FXN: variants seen among roughly 807,000 people sequenced by gnomAD.
FXN encodes the protein frataxin.
FXN carries 14 observed loss-of-function variants against 22.4 expected under a neutral mutation model. That is an observed-to-expected ratio of 0.62 (90% CI 0.41 to 0.98). The LOEUF (loss-of-function observed/expected upper bound fraction) is 0.98, where lower values mean the gene tolerates loss of function less well. Ranked by LOEUF, FXN falls within the 50% of genes least tolerant of loss-of-function variation. The pLI, the probability that FXN is intolerant of heterozygous loss-of-function variation, is 0.00. For synonymous variants in FXN, 120 were observed against 114.1 expected (o/e 1.05, Z -0.33); for missense variants, 267 against 268.4 (o/e 0.99, Z 0.04).
chr9:69,052,736 G>C (rs956403423), intron 2 of FXN, among the ~76,000 whole-genome samples: 1 of 151,758 alleles, frequency 6.6e-6, no homozygotes, highest in Admixed American at 6.6e-5. Flanking sequence ...TAGAGACGGG[G>C]TTTCACCATG....
intron 1 of FXN, among the ~76,000 whole-genome samples, chr9:69,044,171 G>C (rs980473295): frequency 6.6e-6 from 1 of 152,150 alleles, no homozygotes; most frequent in African/African-American, 2.4e-5. Flanking sequence ...TAATTTGCTC[G>C]TTGAGTGTTT....
At chr9:69,064,853 A>T (rs973863319) in intron 3 of FXN, 85 bp from the exon 4 acceptor site, 5 of 786,188 alleles carry the variant, frequency 6.4e-6, no homozygotes, top group Non-Finnish European at 1.1e-5. Context: ...GAAAGTGTTG[A>T]GATAAAACAT....
Position 69,075,607 on chromosome 9 carries a change from C to A in FXN, c.*2845C>A. ...ACCACAGACCCTGGGAGCATCGCCTCATTTATGGTGTGGTCCAGTCATCCA... is the reference window on the plus strand; with the variant it reads ...ACCACAGACCCTGGGAGCATCGCCTAATTTATGGTGTGGTCCAGTCATCCA... On this transcript the variant is annotated 3_prime_UTR_variant, in exon 5 of 5. Transcript: ENST00000484259. 5 of 985,330 alleles carry A rather than the reference C, an allele frequency of 5.1e-6. No individual in the cohort carries two copies. Among genetic ancestry groups the A allele is most frequent in the Non-Finnish European group, 6.0e-6 (5 of 829,878 alleles). The allele number at this position is 985,330 out of a possible 1,614,324, so 61.0% of individuals were successfully genotyped here.
intron 3 of FXN, among the ~76,000 whole-genome samples, chr9:69,054,331 T>A (rs1040073247): frequency 6.6e-6 from 1 of 150,756 alleles, no homozygotes; most frequent in African/African-American, 2.4e-5. Flanking sequence ...GGATGAAACA[T>A]TAGCCCCAGA....
intron 4 of FXN, among the ~76,000 whole-genome samples, chr9:69,069,102 G>A (rs1832225098): frequency 6.6e-6 from 1 of 152,232 alleles, no homozygotes; most frequent in African/African-American, 2.4e-5. Flanking sequence ...AGTGGCTCAC[G>A]CCTGTAATCC....
At chr9:69,065,801 TGTAGCGTTTGAACAA>T (rs1199962621) in intron 4 of FXN, among the ~76,000 whole-genome samples, 13 of 152,304 alleles carry the variant, frequency 8.5e-5, no homozygotes, top group African/African-American at 3.1e-4. Context: ...CTTTTGACCT[TGTAGCGTTTGAACAA>T]GTTGCACTTT....
rs919150852 is a variant in FXN, at chr9:69,077,102, C to T, written c.*4340C>T. On this transcript the variant is annotated 3_prime_UTR_variant, in exon 5 of 5. Coordinates refer to ENST00000484259, the MANE Select transcript of FXN (RefSeq NM_000144.5). ...CTAATTTTTGTATTTTTAGTAGAGA[C>T]GGGGTTTCACCATCATGGCCAGGCT... 19 of 476,748 alleles carry T rather than the reference C, an allele frequency of 4.0e-5. No homozygotes were observed. Among genetic ancestry groups the T allele is most frequent in the East Asian group, 1.5e-4 (1 of 6,504 alleles). 29.5% of individuals were successfully genotyped at this position (476,748 alleles called of 1,614,324 possible).
In FXN at chr9:69,079,033, A is replaced by G; in HGVS notation, c.*6271A>G. ...AATGTCAAATAAATGTGTTATAATT[A>G]TATGTTTAAGATAGTTGTTCAAATA... On this transcript the variant is annotated 3_prime_UTR_variant, in exon 5 of 5. Coordinates refer to ENST00000484259, the MANE Select transcript of FXN (RefSeq NM_000144.5). 1 of 875,314 alleles carries G rather than the reference A, an allele frequency of 1.1e-6. No individual in the cohort carries two copies. The highest frequency in any genetic ancestry group is 1.4e-6 in the Non-Finnish European group (1 of 729,920). 54.2% of individuals were successfully genotyped at this position (875,314 alleles called of 1,614,324 possible). A position where few individuals can be genotyped will look rare whatever the true frequency, so the allele number is the denominator to read the frequency against.
chr9:69,067,974 A>C (rs1587829699), intron 4 of FXN, among the ~76,000 whole-genome samples: 1 of 152,182 alleles, frequency 6.6e-6, no homozygotes, highest in East Asian at 1.9e-4. Context: ...TCTAGTGTAT[A>C]ATGGGCATTG....
intron 1 of FXN, among the ~76,000 whole-genome samples, chr9:69,036,498 A>G (rs1236269668): frequency 1.3e-5 from 2 of 152,214 alleles, no homozygotes; most frequent in African/African-American, 4.8e-5. Context: ...GCTGCAGAAT[A>G]GCTAGAGCAG....
At chr9:69,061,651 T>C (rs1036273137) in intron 3 of FXN, among the ~76,000 whole-genome samples, 2 of 151,904 alleles carry the variant, frequency 1.3e-5, no homozygotes, top group African/African-American at 4.8e-5. Context: ...GTATAGCTCC[T>C]AAAGCTATCC....
Position 69,074,743 on chromosome 9 carries a change from GA to G in FXN, c.*1990del, listed in dbSNP as rs11432103. The G allele has an allele frequency of 1.2e-4, 103 of 841,750 alleles. No individual in the cohort carries two copies. In the Admixed American group the frequency reaches 2.2e-3, roughly 18 times the overall value. The allele number at this position is 841,750 out of a possible 1,614,324, so 52.1% of individuals were successfully genotyped here. On this transcript the variant is annotated 3_prime_UTR_variant, in exon 5 of 5. Transcript: ENST00000484259. ...AGCAAGATCCTATCTCTTAAAAAAA[GA>G]AAAAAAAACCTATTAATAATAAAAC...
chr9:69,078,567 T>A lies in FXN; in HGVS notation c.*5805T>A. On this transcript the variant is annotated 3_prime_UTR_variant, in exon 5 of 5. Coordinates refer to ENST00000484259, the MANE Select transcript of FXN (RefSeq NM_000144.5). ...AGTTTCTTAGCCTGAAAAATGTGCT[T>A]TTCTGACTGAACTGTTCAGGCACTG... is the stretch of plus-strand genomic sequence containing the variant. The A allele has an allele frequency of 1.0e-6, 1 of 985,640 alleles. No individual in the cohort carries two copies. The highest frequency in any genetic ancestry group is 1.2e-6 in the Non-Finnish European group (1 of 829,952). 61.1% of individuals were successfully genotyped at this position (985,640 alleles called of 1,614,324 possible).
chr9:69,067,298 C>T (rs573479031), intron 4 of FXN, among the ~76,000 whole-genome samples: 1 of 152,264 alleles, frequency 6.6e-6, no homozygotes. Flanking sequence ...CTGCGCCTGT[C>T]TTCTTGGAAG....
chr9:69,049,778 T>C (rs1831819120), intron 2 of FXN, among the ~76,000 whole-genome samples: 1 of 152,114 alleles, frequency 6.6e-6, no homozygotes, highest in African/African-American at 2.4e-5. Flanking sequence ...GAAACCCTAT[T>C]CATATTAGCA....
intron 3 of FXN, among the ~76,000 whole-genome samples, chr9:69,055,839 A>G (rs998218103): frequency 9.9e-5 from 15 of 150,892 alleles, no homozygotes; most frequent in African/African-American, 3.6e-4. Context: ...AAAGTCACAA[A>G]TATATTTATA....
chr9:69,041,185 G>A (rs996376345), intron 1 of FXN, among the ~76,000 whole-genome samples: 9 of 152,182 alleles, frequency 5.9e-5, no homozygotes, highest in South Asian at 4.2e-4. Flanking sequence ...TCTGTTCATC[G>A]TACCCTCCTT....
intron 1 of FXN, among the ~76,000 whole-genome samples, chr9:69,043,261 C>CT (rs1831689728): frequency 6.6e-6 from 1 of 152,054 alleles, no homozygotes; most frequent in African/African-American, 2.4e-5. Context: ...GATTTTTATG[C>CT]TTTTTTCTTG....
intron 1 of FXN, among the ~76,000 whole-genome samples, chr9:69,036,819 A>C (rs1831558862): frequency 6.6e-6 from 1 of 152,206 alleles, no homozygotes; most frequent in Admixed American, 6.5e-5. Context: ...GGGATGAGGA[A>C]GATTCCTCAA....
Sources: allele counts gnomAD v4.1 joint callset (sites outside exome capture counted in the v4.1 genomes callset), GRCh38; gene constraint gnomAD v4.1.1; transcripts MANE v1.5; gene names NCBI Gene and HGNC (gene_info 2026-07-23, HGNC 2026-07-21).